GPC5: variants seen among roughly 807,000 people sequenced by gnomAD.
GPC5 encodes the protein glypican 5.
In GPC5, 47 loss-of-function variants were observed where a neutral mutation model predicts 53.9. That is an observed-to-expected ratio of 0.87 (90% CI 0.69 to 1.11). The LOEUF (loss-of-function observed/expected upper bound fraction) is 1.11. Ranked by LOEUF, GPC5 falls within the 50% of genes most tolerant of loss-of-function variation. GPC5 has a pLI of 0.00. For missense variants in GPC5, 748 were observed against 713.1 expected, an observed-to-expected ratio of 1.05 and a Z score of -0.56; for synonymous variants, 286 against 263.3, an observed-to-expected ratio of 1.09 and a Z score of -0.84.
chr13:91,570,573 G>A (rs1429295374), intron 2 of GPC5, among the ~76,000 whole-genome samples: 1 of 152,006 alleles, frequency 6.6e-6, no homozygotes, highest in African/African-American at 2.4e-5. Context: ...TATCTTACAA[G>A]GATCTTGCTA....
At chr13:91,862,676 T>TAC (rs530155281) in intron 5 of GPC5, among the ~76,000 whole-genome samples, 22 of 151,794 alleles carry the variant, frequency 1.4e-4, no homozygotes, top group East Asian at 7.7e-4. Flanking sequence ...ATGTGTGACA[T>TAC]ACACACACAC....
intron 7 of GPC5, among the ~76,000 whole-genome samples, chr13:92,228,061 CTTGTCTTCACG>C (rs892663380): frequency 1.1e-4 from 16 of 151,294 alleles, no homozygotes; most frequent in Non-Finnish European, 1.2e-4. Flanking sequence ...GATCTTCATC[CTTGTCTTCACG>C]TTGAGTAGGC....
chr13:92,742,780 A>C (rs1443239290), intron 7 of GPC5, among the ~76,000 whole-genome samples: 2 of 152,118 alleles, frequency 1.3e-5, no homozygotes, highest in Non-Finnish European at 2.9e-5. Context: ...GAAGGGATCC[A>C]GTTTCAGCTT....
intron 6 of GPC5, among the ~76,000 whole-genome samples, chr13:92,098,380 T>A (rs535583160): frequency 6.6e-6 from 1 of 152,202 alleles, no homozygotes; most frequent in Non-Finnish European, 1.5e-5. Flanking sequence ...AACCAGAATA[T>A]CTATAATTAT....
chr13:92,405,154 C>T (rs1875736234), intron 7 of GPC5, among the ~76,000 whole-genome samples: 1 of 131,496 alleles, frequency 7.6e-6, no homozygotes, highest in Admixed American at 8.0e-5. Flanking sequence ...TAATTCCATC[C>T]AGTTCAGGGG....
At chr13:91,457,188 T>C (rs142007010) in intron 2 of GPC5, among the ~76,000 whole-genome samples, 2 of 152,240 alleles carry the variant, frequency 1.3e-5, no homozygotes, top group African/African-American at 4.8e-5. Flanking sequence ...TCAAAATATT[T>C]AGTTTTTGGA....
intron 6 of GPC5, among the ~76,000 whole-genome samples, chr13:92,049,969 A>T (rs1354299539): frequency 6.6e-6 from 1 of 152,160 alleles, no homozygotes; most frequent in African/African-American, 2.4e-5. Flanking sequence ...GAAAGGAGAA[A>T]AAGCTGGCTC....
chr13:92,582,778 C>CT (rs1260367534), intron 7 of GPC5, among the ~76,000 whole-genome samples: 2 of 151,624 alleles, frequency 1.3e-5, no homozygotes, highest in Admixed American at 6.6e-5. Flanking sequence ...TGTGGTCTTA[C>CT]TTTTTTTTCA....
chr13:92,596,982 G>A (rs1883902443), intron 7 of GPC5, among the ~76,000 whole-genome samples: 1 of 152,250 alleles, frequency 6.6e-6, no homozygotes, highest in African/African-American at 2.4e-5. Flanking sequence ...CTATGATACG[G>A]AGAGACAAGT....
intron 2 of GPC5, among the ~76,000 whole-genome samples, chr13:91,671,780 C>CAAAAAAAAAAAAAAAAAAAAA (rs55758033): frequency 1.2e-4 from 4 of 33,124 alleles, no homozygotes; most frequent in African/African-American, 1.9e-4. Context: ...CAATCTGAAG[C>CAAAAAAAAAAAAAAAAAAAAA]AAAAAAAAAA....
chr13:92,282,962 A>G (rs190888856), intron 7 of GPC5, among the ~76,000 whole-genome samples: 3 of 152,200 alleles, frequency 2.0e-5, no homozygotes, highest in Admixed American at 2.0e-4. Flanking sequence ...TGGATAAAAG[A>G]GTCAAGACCC....
intron 6 of GPC5, among the ~76,000 whole-genome samples, chr13:91,918,919 G>A (rs754580599): frequency 6.6e-6 from 1 of 151,706 alleles, no homozygotes; most frequent in Admixed American, 6.6e-5. Flanking sequence ...ATGGCTTCAC[G>A]GTAGCTGCCT....
intron 2 of GPC5, among the ~76,000 whole-genome samples, chr13:91,505,920 C>A (rs1305078220): frequency 1.3e-5 from 2 of 152,004 alleles, no homozygotes; most frequent in Non-Finnish European, 2.9e-5. Context: ...AGGTTTTAAG[C>A]AGTTTAAAAG....
intron 7 of GPC5, among the ~76,000 whole-genome samples, chr13:92,197,222 A>G (rs1336748005): frequency 6.6e-6 from 1 of 152,180 alleles, no homozygotes; most frequent in East Asian, 1.9e-4. Flanking sequence ...AAAAAAAATA[A>G]TAAGATAAAA....
chr13:92,578,801 G>A (rs1437760374), intron 7 of GPC5, among the ~76,000 whole-genome samples: 4 of 152,126 alleles, frequency 2.6e-5, no homozygotes, highest in East Asian at 1.9e-4. Flanking sequence ...TCAAGTTGAC[G>A]ACTAAAATTA....
chr13:92,179,853 A>G (rs901379569), intron 7 of GPC5, among the ~76,000 whole-genome samples: 1 of 152,238 alleles, frequency 6.6e-6, no homozygotes, highest in Admixed American at 6.5e-5. Context: ...ATTTGACATC[A>G]TAAAAGGATA....
At chr13:91,557,211 T>C (rs1393297147) in intron 2 of GPC5, among the ~76,000 whole-genome samples, 2 of 152,120 alleles carry the variant, frequency 1.3e-5, no homozygotes, top group Non-Finnish European at 2.9e-5. Context: ...CTCGCCATCA[T>C]TTCCTGCTGC....
intron 7 of GPC5, among the ~76,000 whole-genome samples, chr13:92,269,010 G>A (rs972211374): frequency 9.9e-5 from 15 of 151,830 alleles, no homozygotes; most frequent in African/African-American, 3.6e-4. Context: ...TAATTTAGTA[G>A]ATAAATAACC....
intron 1 of GPC5, among the ~76,000 whole-genome samples, chr13:91,400,234 G>A (rs2138735017): frequency 6.6e-6 from 1 of 152,316 alleles, no homozygotes; most frequent in African/African-American, 2.4e-5. Context: ...AAAGTCCCGA[G>A]TTTCCAGGGT....
Sources: gnomAD v4.1 joint callset for allele counts (sites outside exome capture counted in the v4.1 genomes callset) on GRCh38, gnomAD v4.1.1 for gene constraint, MANE v1.5 for transcripts, NCBI Gene and HGNC (gene_info 2026-07-23, HGNC 2026-07-21) for gene names.